Variants in TBX5 observed in about 807,000 individuals in gnomAD.
TBX5 encodes the protein T-box transcription factor TBX5.
Under a neutral mutation model 51.1 loss-of-function variants are expected in TBX5, and 8 were observed. The ratio of observed to expected loss-of-function variants is 0.16; its 90% CI spans 0.09 to 0.28. TBX5 has a LOEUF of 0.28. TBX5 is among the 10% of genes least tolerant of loss of function. The pLI, the probability that TBX5 is intolerant of heterozygous loss-of-function variation, is 1.00. For missense variants in TBX5, 589 were observed against 671.7 expected, an observed-to-expected ratio of 0.88 and a Z score of 1.36; for synonymous variants, 302 against 266.4, an observed-to-expected ratio of 1.13 and a Z score of -1.30.
intron 1 of TBX5, among the ~76,000 whole-genome samples, chr12:114,405,100 C>A (rs1329072041): frequency 6.6e-6 from 1 of 152,222 alleles, no homozygotes; most frequent in East Asian, 1.9e-4. Context: ...CCCCCAAAAC[C>A]TCAGCAGCTG....
intron 6 of TBX5, among the ~76,000 whole-genome samples, chr12:114,385,915 C>T (rs1374638819): frequency 6.6e-6 from 1 of 151,888 alleles, no homozygotes; most frequent in African/African-American, 2.4e-5. Flanking sequence ...ACTCCCTCCC[C>T]TTTGGAAAGC....
rs1229234235 is a variant in TBX5 at position 114,406,025 on chromosome 12, C to T, written c.-436G>A. On this transcript the variant is annotated 5_prime_UTR_variant, in exon 1 of 9. Transcript: ENST00000405440. ...AGCGCAGCTTTCAGGATTAAAGTTCCCGGATTCGAGGTAAGAGTCAGTCTC... is the reference window on the plus strand; with the variant it reads ...AGCGCAGCTTTCAGGATTAAAGTTCTCGGATTCGAGGTAAGAGTCAGTCTC... 3 of 985,282 alleles carry T rather than the reference C, an allele frequency of 3.0e-6. No individual in the cohort carries two copies. The highest frequency in any genetic ancestry group is 2.4e-6 in the Non-Finnish European group (2 of 829,928). 61.0% of individuals were successfully genotyped at this position (985,282 alleles called of 1,614,324 possible).
intron 7 of TBX5, 27 bp from the exon 8 acceptor site, chr12:114,366,418 G>A (rs764291197): frequency 1.2e-5 from 19 of 1,604,596 alleles, no homozygotes; most frequent in African/African-American, 8.0e-5. Context: ...GGGAGATAAC[G>A]CCTATCAGTG....
chr12:114,408,220 C>A (rs1260680117), upstream of TBX5: 1 of 985,292 alleles, frequency 1.0e-6, no homozygotes. Context: ...CCACAGGTTC[C>A]GGACGTCTTG....
chr12:114,366,217 T>C lies in TBX5; in HGVS notation c.930A>G (p.Pro310=). The C allele has an allele frequency of 6.2e-7, 1 of 1,613,932 alleles. No homozygotes were observed. Residue 310 remains proline (P), a synonymous_variant, in exon 8 of 9, where the codon CCA becomes CCG. Coordinates refer to ENST00000405440, the MANE Select transcript of TBX5 (RefSeq NM_181486.4). The part of the protein sequence containing the change: ...PSQDLLPPPN[P]YPLPQEHSQI... Reference sequence around the variant, plus strand: ...GGCTATGCTCCTGGGGCAGTGGGTATGGGTTGGGTGGAGGCAGGAGGTCCT... The same window carrying C: ...GGCTATGCTCCTGGGGCAGTGGGTACGGGTTGGGTGGAGGCAGGAGGTCCT...
intron 8 of TBX5, among the ~76,000 whole-genome samples, chr12:114,364,288 C>A (rs748924573): frequency 3.3e-5 from 5 of 152,150 alleles, no homozygotes; most frequent in Non-Finnish European, 7.4e-5. Flanking sequence ...TTGTGTTGAC[C>A]ACTGAGGCTG....
At chr12:114,389,247 T>C (rs1871011880) in intron 6 of TBX5, among the ~76,000 whole-genome samples, 1 of 152,088 alleles carries the variant, frequency 6.6e-6, no homozygotes, top group Non-Finnish European at 1.5e-5. Context: ...TTCTTGACTC[T>C]TCTGAATGAG....
At chr12:114,378,167 A>C (rs1032541717) in intron 7 of TBX5, among the ~76,000 whole-genome samples, 2 of 152,172 alleles carry the variant, frequency 1.3e-5, no homozygotes, top group Non-Finnish European at 2.9e-5. Context: ...TCCATCATCT[A>C]CTTAGCCCCT....
chr12:114,367,045 C>T (rs753796564), intron 7 of TBX5, among the ~76,000 whole-genome samples: 5 of 151,970 alleles, frequency 3.3e-5, no homozygotes, highest in Admixed American at 6.6e-5. Context: ...ATAGAAGAAA[C>T]GGGTTAATGA....
rs1482927008 is a variant in TBX5 at position 114,354,799 on chromosome 12, T to C, written c.*733A>G. The stretch of plus-strand genomic sequence containing the variant: ...GGCAAGATGGTAGGGCTGAATAAGA[T>C]AGGATGCCAGGGAGCGTCAGTGTTA... On this transcript the variant is annotated 3_prime_UTR_variant, in exon 9 of 9. Transcript: ENST00000405440. The C allele has an allele frequency of 2.0e-5, 3 of 152,836 alleles. No homozygotes were observed. The highest frequency in any genetic ancestry group is 4.4e-5 in the Non-Finnish European group (3 of 68,388). 9.5% of individuals were successfully genotyped at this position (152,836 alleles called of 1,614,324 possible).
chr12:114,407,670 A>G (rs1872312687), upstream of TBX5: 2 of 763,476 alleles, frequency 2.6e-6, no homozygotes, highest in Non-Finnish European at 3.2e-6. Flanking sequence ...CAGGTGACAC[A>G]CGAAGCCATT....
chr12:114,362,477 G>A (rs760728454), intron 8 of TBX5, among the ~76,000 whole-genome samples: 6 of 151,954 alleles, frequency 3.9e-5, no homozygotes, highest in Admixed American at 6.6e-5. Flanking sequence ...CCTCAGCCAA[G>A]GGGCTTCATG....
At chr12:114,379,613 T>C (rs1870396051) in intron 7 of TBX5, among the ~76,000 whole-genome samples, 2 of 152,288 alleles carry the variant, frequency 1.3e-5, no homozygotes, top group Admixed American at 1.3e-4. Context: ...GCAACAGGCC[T>C]GGAGGTAGGC....
At chr12:114,374,015 T>C (rs983575420) in intron 7 of TBX5, among the ~76,000 whole-genome samples, 2 of 152,250 alleles carry the variant, frequency 1.3e-5, no homozygotes, top group Non-Finnish European at 2.9e-5. Flanking sequence ...AGGGATTGCC[T>C]TGGGGCATCC....
intron 6 of TBX5, among the ~76,000 whole-genome samples, chr12:114,386,262 G>C (rs897620055): frequency 2.6e-5 from 4 of 152,150 alleles, no homozygotes; most frequent in Non-Finnish European, 4.4e-5. Flanking sequence ...ACAGAACAGG[G>C]TCTTTTTGCA....
chr12:114,380,317 G>A (rs1870436828), intron 7 of TBX5, among the ~76,000 whole-genome samples: 1 of 152,152 alleles, frequency 6.6e-6, no homozygotes, highest in African/African-American at 2.4e-5. Context: ...GCACTCTCAA[G>A]CCTTTCTTTG....
intron 8 of TBX5, among the ~76,000 whole-genome samples, chr12:114,358,443 C>G (rs1460884791): frequency 1.3e-5 from 2 of 152,136 alleles, no homozygotes; most frequent in African/African-American, 2.4e-5. Flanking sequence ...CTCCCAAACC[C>G]AGGTAGAGTA....
chr12:114,361,689 G>C (rs2136367791), intron 8 of TBX5, among the ~76,000 whole-genome samples: 1 of 152,284 alleles, frequency 6.6e-6, no homozygotes, highest in African/African-American at 2.4e-5. Flanking sequence ...GTCAGATAGT[G>C]GGGCAGGCAG....
chr12:114,404,616 T>C (rs138877500), intron 1 of TBX5, among the ~76,000 whole-genome samples: 30 of 152,120 alleles, frequency 2.0e-4, no homozygotes, highest in African/African-American at 6.3e-4. Context: ...CAACCTTAAG[T>C]AAGATTCGTT....
Sources: gnomAD v4.1 joint callset for allele counts (sites outside exome capture counted in the v4.1 genomes callset) on GRCh38, gnomAD v4.1.1 for gene constraint, MANE v1.5 for transcripts, NCBI Gene and HGNC (gene_info 2026-07-23, HGNC 2026-07-21) for gene names.